SPATA17: variants seen among roughly 807,000 people sequenced by gnomAD.
SPATA17 encodes the protein spermatogenesis-associated protein 17.
Under a neutral mutation model 62.2 loss-of-function variants are expected in SPATA17, and 53 were observed. The observed-to-expected ratio is 0.85, with a 90% CI of 0.68 to 1.07. The LOEUF (loss-of-function observed/expected upper bound fraction) is 1.07, where lower values mean the gene tolerates loss of function less well. Among genes scored for constraint, SPATA17 ranks in the 50% least tolerant of loss-of-function variants. The pLI is 0.00. For synonymous variants in SPATA17, 146 were observed against 146.8 expected (o/e 0.99, Z 0.04); for missense variants, 466 against 425.5 (o/e 1.10, Z -0.84).
At chr1:217,700,896 G>A (rs956876568) in intron 5 of SPATA17, among the ~76,000 whole-genome samples, 3 of 150,652 alleles carry the variant, frequency 2.0e-5, no homozygotes, top group Non-Finnish European at 4.4e-5. Flanking sequence ...ATGAGGCACC[G>A]CACCCAGACT....
At chr1:217,642,577 T>TA (rs1393103800) in intron 1 of SPATA17, among the ~76,000 whole-genome samples, 1 of 152,150 alleles carries the variant, frequency 6.6e-6, no homozygotes, top group African/African-American at 2.4e-5. Flanking sequence ...CCCTAATCCT[T>TA]ACGTGTTGAA....
chr1:217,637,392 A>G (rs1669965882), intron 1 of SPATA17, among the ~76,000 whole-genome samples: 1 of 152,154 alleles, frequency 6.6e-6, no homozygotes, highest in Non-Finnish European at 1.5e-5. Flanking sequence ...GCCGGGAATT[A>G]AGTTCATCAA....
At chr1:217,793,220 TG>T (rs59146345) in intron 8 of SPATA17, among the ~76,000 whole-genome samples, 6,862 of 134,892 alleles carry the variant, frequency 0.051, 574 homozygotes, top group African/African-American at 0.11. Flanking sequence ...CAGTGGTTTT[TG>T]TTTTTTTTTT....
Position 217,776,340 on chromosome 1 carries a change from A to T in SPATA17, c.723+1803A>T, listed in dbSNP as rs1324805229. Among the ~76,000 whole-genome samples the T allele has an allele frequency of 2.6e-5, 4 of 152,288 alleles. No homozygotes were observed. In the East Asian group the frequency reaches 7.7e-4, roughly 29 times the overall value. ...ACCTTGTGTTAGATTTGGCTCACAC[A>T]ATTAAACTCCCAGAACTCCTGACCA... On this transcript the variant is annotated intron_variant, in intron 7 of 10. Coordinates refer to ENST00000366933, the MANE Select transcript of SPATA17 (RefSeq NM_138796.4).
intron 5 of SPATA17, among the ~76,000 whole-genome samples, chr1:217,734,289 T>C (rs111912666): frequency 0.033 from 4,993 of 152,342 alleles, 101 homozygotes; most frequent in Middle Eastern, 0.051. Context: ...AGATGAAATG[T>C]AAATACATTC....
At chr1:217,802,291 C>G (rs61825822) in intron 9 of SPATA17, among the ~76,000 whole-genome samples, 4,666 of 152,188 alleles carry the variant, frequency 0.031, 102 homozygotes, top group Middle Eastern at 0.065. Flanking sequence ...GTATAACATA[C>G]ATTTAACCTG....
intron 8 of SPATA17, among the ~76,000 whole-genome samples, chr1:217,789,694 G>A (rs1235576869): frequency 6.6e-6 from 1 of 152,168 alleles, no homozygotes; most frequent in Non-Finnish European, 1.5e-5. Flanking sequence ...TAGATTTAAA[G>A]ATCTTCTGAT....
intron 8 of SPATA17, among the ~76,000 whole-genome samples, chr1:217,799,193 C>T (rs1387295038): frequency 6.6e-6 from 1 of 151,774 alleles, no homozygotes; most frequent in Non-Finnish European, 1.5e-5. Context: ...TATATATGTA[C>T]AATTAAGAAT....
At position 217,669,062 on chromosome 1, in the gene SPATA17, C is replaced by CT. The variant is rs780257038; in HGVS notation, c.271dup (p.Tyr91LeufsTer16). On this transcript the variant is annotated frameshift_variant, in exon 4 of 11. Transcript: ENST00000366933. LOFTEE classifies it high-confidence loss of function. ...CATATTATACTATGATGATGAATCT[C>CT]TACAATGCAATGGCTGTCAGGGTAA... 1 of 1,611,326 alleles carries CT rather than the reference C, an allele frequency of 6.2e-7. No individual in the cohort carries two copies. The highest frequency in any genetic ancestry group is 8.5e-7 in the Non-Finnish European group (1 of 1,179,062).
intron 9 of SPATA17, among the ~76,000 whole-genome samples, chr1:217,828,086 A>G (rs1675043409): frequency 6.6e-6 from 1 of 152,128 alleles, no homozygotes; most frequent in African/African-American, 2.4e-5. Context: ...AAAATCCTAA[A>G]ATTTGTATGG....
At chr1:217,840,692 C>T (rs576917742) in intron 9 of SPATA17, among the ~76,000 whole-genome samples, 2 of 152,020 alleles carry the variant, frequency 1.3e-5, no homozygotes, top group East Asian at 3.9e-4. Context: ...AACCCCATCT[C>T]TACAAAAAAT....
intron 9 of SPATA17, among the ~76,000 whole-genome samples, chr1:217,854,758 C>T (rs544646385): frequency 8.0e-4 from 122 of 152,258 alleles, no homozygotes; most frequent in African/African-American, 2.8e-3. Context: ...CCAGGGCATG[C>T]GACTTCCATT....
intron 4 of SPATA17, among the ~76,000 whole-genome samples, chr1:217,680,424 A>C (rs1671053295): frequency 6.6e-6 from 1 of 152,162 alleles, no homozygotes; most frequent in Non-Finnish European, 1.5e-5. Flanking sequence ...TTTCATTAGG[A>C]AAGTGGTTCT....
chr1:217,800,208 G>T (rs565597993), intron 8 of SPATA17, among the ~76,000 whole-genome samples: 1 of 152,160 alleles, frequency 6.6e-6, no homozygotes, highest in African/African-American at 2.4e-5. Flanking sequence ...AAACTCTATG[G>T]GTGTAAAAGA....
rs572229161 is a variant in SPATA17 at position 217,712,943 on chromosome 1, G to A, written c.396-29032G>A. 3.3e-4 allele frequency among the ~76,000 whole-genome samples: 50 copies of A among 152,114 alleles called. 1 individual carries two copies. The highest frequency in any genetic ancestry group is 6.6e-4 in the Non-Finnish European group (45 of 68,024). On this transcript the variant is annotated intron_variant, in intron 5 of 10. Transcript: ENST00000366933. ...CCAAGACGTTCACTCCCCGAACCTT[G>A]GCCATGAGCTAGACTTGCAGGGCAA... is the stretch of plus-strand genomic sequence containing the variant.
chr1:217,821,971 C>A (rs907061636), intron 9 of SPATA17, among the ~76,000 whole-genome samples: 1 of 152,012 alleles, frequency 6.6e-6, no homozygotes, highest in Non-Finnish European at 1.5e-5. Flanking sequence ...ATTGTCACAA[C>A]TTAATGAAGG....
intron 5 of SPATA17, among the ~76,000 whole-genome samples, chr1:217,733,081 G>A (rs1404952917): frequency 3.9e-5 from 6 of 152,066 alleles, no homozygotes; most frequent in Non-Finnish European, 8.8e-5. Context: ...ATCATGCAAA[G>A]CAGGTAAATG....
At chr1:217,713,260 T>A (rs764386402) in intron 5 of SPATA17, among the ~76,000 whole-genome samples, 2 of 152,172 alleles carry the variant, frequency 1.3e-5, no homozygotes, top group Non-Finnish European at 2.9e-5. Context: ...GGATGTTTTT[T>A]TTTTCCTAGT....
intron 9 of SPATA17, among the ~76,000 whole-genome samples, chr1:217,831,326 A>C (rs1675133964): frequency 6.6e-6 from 1 of 152,136 alleles, no homozygotes; most frequent in Non-Finnish European, 1.5e-5. Flanking sequence ...TTACTCTTTC[A>C]GCTGTTTTCT....
Sources: allele counts gnomAD v4.1 joint callset (sites outside exome capture counted in the v4.1 genomes callset), GRCh38; gene constraint gnomAD v4.1.1; transcripts MANE v1.5; gene names NCBI Gene and HGNC (gene_info 2026-07-23, HGNC 2026-07-21).